The following LONP1 variants were observed in gnomAD, a reference collection of about 807,000 sequenced individuals.
LONP1 encodes lon peptidase 1, mitochondrial, also known as lon protease homolog, mitochondrial.
LONP1 carries 31 observed loss-of-function variants against 98.5 expected under a neutral mutation model. That is an observed-to-expected ratio of 0.31 (90% CI 0.24 to 0.42). The LOEUF (loss-of-function observed/expected upper bound fraction) is 0.42. LONP1 is among the 20% of genes least tolerant of loss of function. The pLI, the probability that LONP1 is intolerant of heterozygous loss-of-function variation, is 1.00. For missense variants in LONP1, 1,336 were observed against 1,350.6 expected (o/e 0.99, Z 0.17); for synonymous variants, 781 against 594.7 (o/e 1.31, Z -4.56).
intron 8 of LONP1, among the ~76,000 whole-genome samples, chr19:5,702,932 G>A (rs964493610): frequency 1.3e-5 from 2 of 149,302 alleles, no homozygotes; most frequent in Admixed American, 1.3e-4. Flanking sequence ...TTGTTCACTT[G>A]TTTATCTGCT....
At chr19:5,695,441 T>G (rs994993635) in intron 13 of LONP1, among the ~76,000 whole-genome samples, 1 of 151,930 alleles carries the variant, frequency 6.6e-6, no homozygotes, top group Non-Finnish European at 1.5e-5. Flanking sequence ...TGCCCCCCAG[T>G]CCTGTCCCCA....
chr19:5,714,221 G>A lies in LONP1; in HGVS notation c.480C>T (p.Ala160=). Residue 160 remains alanine (A), a synonymous_variant, in exon 2 of 18, where the codon GCC becomes GCT. Transcript: ENST00000360614. ...VELLRRKVRL[A]QPYVGVFLKR... The stretch of plus-strand genomic sequence containing the variant: ...TTAGAAAGACGCCGACATAAGGCTG[G>A]GCGAGACGAACTTTCCTTCTCAGCA... 6.2e-7 allele frequency: 1 copy of A among 1,614,020 alleles called. No homozygotes were observed. Among genetic ancestry groups the A allele is most frequent in the Non-Finnish European group, 8.5e-7 (1 of 1,179,954 alleles).
At chr19:5,696,006 GC>G in intron 13 of LONP1, 47 bp downstream of exon 13, 2 of 1,533,764 alleles carry the variant, frequency 1.3e-6, no homozygotes, top group Non-Finnish European at 8.9e-7. Context: ...TCTGGGGGGC[GC>G]CCCCTGCTCT....
At chr19:5,716,259 C>CATATATATATAT (rs3082272) in intron 1 of LONP1, among the ~76,000 whole-genome samples, 968 of 77,002 alleles carry the variant, frequency 0.013, 91 homozygotes, top group African/African-American at 0.015. Flanking sequence ...TTAAAATATA[C>CATATATATATAT]ATATATATAT....
intron 8 of LONP1, 130 bp from the exon 9 acceptor site, chr19:5,701,057 T>C: frequency 1.0e-6 from 1 of 993,172 alleles, no homozygotes. Context: ...CTCACGCCTG[T>C]AATCCCAGCT....
At chr19:5,716,201 A>C (rs1185119442) in intron 1 of LONP1, among the ~76,000 whole-genome samples, 1 of 144,492 alleles carries the variant, frequency 6.9e-6, no homozygotes, top group Non-Finnish European at 1.5e-5. Context: ...GTGAGACCCC[A>C]TCTCTATTTT....
rs368348178 is a variant in LONP1, at chr19:5,694,737, C to T, written c.2154+24G>A. On this transcript the variant is annotated intron_variant, in intron 14 of 17. Transcript: ENST00000360614. ...GGATGGTGAGGTGGGCGGCAGGTGC[C>T]AGGAGGGCGGGCTGGCCGCTCACCT... is the stretch of plus-strand genomic sequence containing the variant. 86 of 1,580,426 alleles carry T rather than the reference C, an allele frequency of 5.4e-5. No homozygotes were observed. The African/African-American group carries it at 1.0e-3, about 19-fold the overall frequency.
rs1198006906 is a variant in LONP1 at position 5,705,926 on chromosome 19, T to C, written c.1213A>G (p.Lys405Glu). ...TCGTCCTTCTCCAGGCCCAGCTCCT[T>C]CTTGATGATCTTTAGCTGCTCCTGC... ...LLQEQLKIIK[K>E]ELGLEKDDKD... The change falls in exon 8 of 18, where the codon AAG becomes GAG. Residue 405 changes from lysine (K) to glutamate (E), a missense_variant. Lys to Glu is a moderately conservative substitution (Grantham distance 56). This residue lies in a region of LONP1 where 219 missense variants were observed against 241.0 expected (regional missense o/e 0.91). Coordinates refer to ENST00000360614, the MANE Select transcript of LONP1 (RefSeq NM_004793.4). 1 of 1,613,914 alleles carries C rather than the reference T, an allele frequency of 6.2e-7. No individual in the cohort carries two copies. Among genetic ancestry groups the C allele is most frequent in the Non-Finnish European group, 8.5e-7 (1 of 1,180,020 alleles).
At position 5,694,471 on chromosome 19, in the gene LONP1, C is replaced by T. The variant is rs149844957; in HGVS notation, c.2236G>A (p.Val746Met). ...TCCACGGTGAACACGGGCTTCCCCACGAAGTCCTGCAGGTTCTCGGGCGTC... is the reference window on the plus strand; with the variant it reads ...TCCACGGTGAACACGGGCTTCCCCATGAAGTCCTGCAGGTTCTCGGGCGTC... ...EVTPENLQDF[V>M]GKPVFTVERM... The change falls in exon 15 of 18, where the codon GTG becomes ATG. Residue 746 changes from valine (V) to methionine (M), a missense_variant. Physicochemically the swap from Val to Met is conservative, Grantham distance 21. This residue lies in a region of LONP1 where 555 missense variants were observed against 542.6 expected (regional missense o/e 1.02). Coordinates refer to ENST00000360614, the MANE Select transcript of LONP1 (RefSeq NM_004793.4). The T allele has an allele frequency of 1.7e-5, 28 of 1,613,342 alleles. No individual in the cohort carries two copies. Among genetic ancestry groups the T allele is most frequent in the African/African-American group, 1.7e-4 (13 of 74,936 alleles).
intron 4 of LONP1, 65 bp from the exon 5 acceptor site, chr19:5,708,468 G>GGCA: frequency 7.3e-6 from 4 of 551,262 alleles, no homozygotes; most frequent in East Asian, 4.7e-5. Flanking sequence ...GGCTGGGTGG[G>GGCA]AGCATGGCCC....
At chr19:5,694,986 T>C in intron 13 of LONP1, 85 bp from the exon 14 acceptor site, 1 of 1,466,252 alleles carries the variant, frequency 6.8e-7, no homozygotes, top group Middle Eastern at 2.5e-4. Flanking sequence ...GCCTCTCCCA[T>C]GGCCCCCAGA....
In LONP1 at chr19:5,693,455, G is replaced by A. The variant is rs1281200826; in HGVS notation, c.2546C>T (p.Thr849Ile). The A allele has an allele frequency of 6.2e-7, 1 of 1,611,080 alleles. No individual in the cohort carries two copies. Among genetic ancestry groups the A allele is most frequent in the Non-Finnish European group, 8.5e-7 (1 of 1,178,062 alleles). ...GCCTGCGCTTGGGCCGTCCTTGGGG[G>A]TGGCGCCCTGTGGAGGCATGTGGGG... is the stretch of plus-strand genomic sequence containing the variant. ...HIHLHVPEGA[T>I]PKDGPSAGCT... The change falls in exon 17 of 18, where the codon ACC becomes ATC. Residue 849 changes from threonine (T) to isoleucine (I), a missense_variant. Around this residue, in one of 5 missense-constraint regions of LONP1, gnomAD observed 555 missense variants for 542.6 expected, o/e 1.02. Transcript: ENST00000360614.
In LONP1 at chr19:5,692,065, G is replaced by C. The variant is rs200774149; in HGVS notation, c.2847C>G (p.Asp949Glu). ...CCACGGCCAGCGCCTCTGCCTGCTC[G>C]TCCGGGAAGGCGATGTCGAAGATCT... Reference protein sequence around the residue: ...YREIFDIAFPDEQAEALAVER With the variant: ...YREIFDIAFPEEQAEALAVER The change falls in exon 18 of 18, where the codon GAC (aspartate) becomes GAG (glutamate). Residue 949 changes from aspartate to glutamate, a missense_variant. By Grantham distance (45) the Asp-to-Glu change is conservative (BLOSUM62 2). This residue lies in a region of LONP1 where 555 missense variants were observed against 542.6 expected (regional missense o/e 1.02). Coordinates refer to ENST00000360614, the MANE Select transcript of LONP1 (RefSeq NM_004793.4). 5 of 1,607,704 alleles carry C rather than the reference G, an allele frequency of 3.1e-6. No homozygotes were observed. Among genetic ancestry groups the C allele is most frequent in the Admixed American group, 1.7e-5 (1 of 59,556 alleles).
At chr19:5,696,565 G>T in intron 11 of LONP1, 105 bp downstream of exon 11, 1 of 1,318,684 alleles carries the variant, frequency 7.6e-7, no homozygotes, top group Non-Finnish European at 1.1e-6. Flanking sequence ...GCATCACGGC[G>T]ATGGCCCCTG....
intron 10 of LONP1, among the ~76,000 whole-genome samples, chr19:5,698,324 G>A (rs571713714): frequency 3.7e-4 from 57 of 152,326 alleles, no homozygotes; most frequent in African/African-American, 1.3e-3. Flanking sequence ...TGAATGCCTT[G>A]CAGGATGGAA....
intron 4 of LONP1, 65 bp from the exon 5 acceptor site, chr19:5,708,468 G>GGGGGGGGGGGGGGC: frequency 1.1e-5 from 6 of 551,260 alleles, no homozygotes; most frequent in East Asian, 4.7e-5. Flanking sequence ...GGCTGGGTGG[G>GGGGGGGGGGGGGGC]AGCATGGCCC....
chr19:5,703,879 T>C (rs1252550589), intron 8 of LONP1, among the ~76,000 whole-genome samples: 1 of 152,098 alleles, frequency 6.6e-6, no homozygotes, highest in Non-Finnish European at 1.5e-5. Context: ...GAAGGAGCTA[T>C]CTGCTTCTGC....
rs550980720 is a variant in LONP1 at position 5,698,341 on chromosome 19, G to A, written c.1685+686C>T. ...AATGCCTTGCAGGATGGAAACACGT[G>A]GTGGACTCAGCAGATGCCTCACACT... is the stretch of plus-strand genomic sequence containing the variant. On this transcript the variant is annotated intron_variant, in intron 10 of 17. Transcript: ENST00000360614. Among the ~76,000 whole-genome samples, 8 of 152,312 alleles carry A rather than the reference G, an allele frequency of 5.3e-5. No individual in the cohort carries two copies. The East Asian group carries it at 1.4e-3, about 26-fold the overall frequency.
At position 5,691,932 on chromosome 19, in the gene LONP1, C is replaced by T; in HGVS notation, c.*100G>A. 7.1e-7 allele frequency: 1 copy of T among 1,403,410 alleles called. No homozygotes were observed. The highest frequency in any genetic ancestry group is 9.6e-7 in the Non-Finnish European group (1 of 1,036,884). 86.9% of individuals were successfully genotyped at this position (1,403,410 alleles called of 1,614,324 possible). A position where few individuals can be genotyped will look rare whatever the true frequency, so the allele number is the denominator to read the frequency against. On this transcript the variant is annotated 3_prime_UTR_variant, in exon 18 of 18. Transcript: ENST00000360614. ...CTGGGTCACTGGACCGAGCTGCTCG[C>T]TCGGTGGCTCCACTGCCAGGTCCGG...
Sources: allele counts gnomAD v4.1 joint callset (sites outside exome capture counted in the v4.1 genomes callset), GRCh38; gene constraint gnomAD v4.1.1; regional missense constraint gnomAD v4.1.1; transcripts MANE v1.5; gene names NCBI Gene and HGNC (gene_info 2026-07-23, HGNC 2026-07-21).